The following DOCK1 variants were observed in gnomAD, a reference collection of about 807,000 sequenced individuals.
DOCK1 encodes the protein dedicator of cytokinesis protein 1.
A neutral mutation model predicts 262.7 loss-of-function variants in DOCK1; 138 were observed. The observed-to-expected ratio is 0.53, with a 90% CI of 0.46 to 0.61. The LOEUF is 0.61. Among genes scored for constraint, DOCK1 ranks in the 20% least tolerant of loss-of-function variants. DOCK1 has a pLI of 0.00. For missense variants in DOCK1, 1,908 were observed against 2,370.7 expected, an observed-to-expected ratio of 0.80 and a Z score of 4.05; for synonymous variants, 866 against 867.4, an observed-to-expected ratio of 1.00 and a Z score of 0.03.
intron 27 of DOCK1, 124 bp downstream of exon 27, chr10:127,127,888 A>G: frequency 3.0e-6 from 2 of 675,608 alleles, no homozygotes; most frequent in Non-Finnish European, 2.2e-6. Context: ...AGCTTGGTAT[A>G]TAAAATGTCC....
In DOCK1 at chr10:127,323,160, C is replaced by G. The variant is rs140911486; in HGVS notation, c.3045-15846C>G. Among the ~76,000 whole-genome samples, 41 of 152,294 alleles carry G rather than the reference C, an allele frequency of 2.7e-4. 1 individual carries two copies. The East Asian group carries it at 7.5e-3, about 28-fold the overall frequency. On this transcript the variant is annotated intron_variant, in intron 29 of 51. Transcript: ENST00000623213. ...CCGAGCTGGTGTTCATCGCTTCCCT[C>G]TCTGCTGGGTGAGGACCTCGTGGGT...
At chr10:127,339,733 G>GTGTGTGTGTGTGTGTGTGTGTGTGCA (rs71032552) in intron 30 of DOCK1, among the ~76,000 whole-genome samples, 26 of 109,324 alleles carry the variant, frequency 2.4e-4, no homozygotes, top group East Asian at 1.0e-3. Flanking sequence ...GTGTGTGTGT[G>GTGTGTGTGTGTGTGTGTGTGTGTGCA]TGCATGCTGT....
intron 21 of DOCK1, among the ~76,000 whole-genome samples, chr10:127,046,788 A>C (rs1020200899): frequency 2.4e-4 from 35 of 145,366 alleles, no homozygotes; most frequent in Non-Finnish European, 4.4e-4. Context: ...AAAGATTTTC[A>C]TTGTGATGTA....
chr10:127,201,179 C>A (rs942985342), intron 27 of DOCK1, among the ~76,000 whole-genome samples: 10 of 152,232 alleles, frequency 6.6e-5, no homozygotes, highest in African/African-American at 2.4e-4. Flanking sequence ...TCCTTTTCTG[C>A]CGAGAAGCCC....
At chr10:127,389,768 C>T (rs956722747) in intron 38 of DOCK1, among the ~76,000 whole-genome samples, 1 of 152,110 alleles carries the variant, frequency 6.6e-6, no homozygotes, top group Non-Finnish European at 1.5e-5. Flanking sequence ...GTAATCCCAG[C>T]ACTTCGGGCT....
At chr10:127,091,469 G>C (rs1591987389) in intron 23 of DOCK1, among the ~76,000 whole-genome samples, 1 of 152,150 alleles carries the variant, frequency 6.6e-6, no homozygotes, top group Non-Finnish European at 1.5e-5. Flanking sequence ...TTTGAATTGT[G>C]CCTTTAGCTG....
intron 24 of DOCK1, among the ~76,000 whole-genome samples, chr10:127,106,737 G>A (rs1379634060): frequency 1.3e-5 from 2 of 152,030 alleles, no homozygotes; most frequent in Non-Finnish European, 2.9e-5. Context: ...AGAAGACTCA[G>A]AAGTTACTAA....
chr10:127,073,102 T>C (rs868785990), intron 23 of DOCK1, among the ~76,000 whole-genome samples: 7 of 152,236 alleles, frequency 4.6e-5, no homozygotes, highest in African/African-American at 1.4e-4. Flanking sequence ...TTTTATGTTT[T>C]AAGTTTTAAG....
chr10:126,950,887 C>T (rs1375115214), intron 1 of DOCK1, among the ~76,000 whole-genome samples: 1 of 151,854 alleles, frequency 6.6e-6, no homozygotes, highest in Admixed American at 6.6e-5. Flanking sequence ...AGCGGTGGTG[C>T]TGGTGATGTT....
intron 34 of DOCK1, 55 bp downstream of exon 34, chr10:127,373,921 C>A: frequency 6.4e-7 from 1 of 1,558,856 alleles, no homozygotes; most frequent in Non-Finnish European, 8.7e-7. Flanking sequence ...GACAGAGAGA[C>A]CGTAATTAGA....
chr10:127,322,187 C>CT lies in DOCK1; in HGVS notation c.3045-16803dup, dbSNP rs201505491. On this transcript the variant is annotated intron_variant, in intron 29 of 51. Transcript: ENST00000623213. ...GCACACACATAATTTTATAATTTCC[C>CT]TTTTTTTTTTTTTTTTCCTGGAGAC... Among the ~76,000 whole-genome samples, 432 of 146,094 alleles carry CT rather than the reference C, an allele frequency of 3.0e-3. 3 individuals carry two copies. Among genetic ancestry groups the CT allele is most frequent in the African/African-American group, 8.4e-3 (338 of 40,240 alleles).
intron 10 of DOCK1, among the ~76,000 whole-genome samples, chr10:127,002,298 A>G (rs1388108937): frequency 6.6e-6 from 1 of 152,242 alleles, no homozygotes; most frequent in South Asian, 2.1e-4. Context: ...TTATTAGATT[A>G]CAAGATGGAT....
intron 27 of DOCK1, among the ~76,000 whole-genome samples, chr10:127,221,280 G>A (rs2058426981): frequency 6.6e-6 from 1 of 152,156 alleles, no homozygotes; most frequent in South Asian, 2.1e-4. Context: ...TTCTTTAAAG[G>A]AACTGAAACT....
intron 27 of DOCK1, among the ~76,000 whole-genome samples, chr10:127,223,972 C>T (rs2058539019): frequency 6.6e-6 from 1 of 152,078 alleles, no homozygotes; most frequent in African/African-American, 2.4e-5. Context: ...TTAATTAAGC[C>T]CTTTCTGCCA....
chr10:127,160,646 G>A (rs1025538751), intron 27 of DOCK1, among the ~76,000 whole-genome samples: 1 of 152,194 alleles, frequency 6.6e-6, no homozygotes, highest in Non-Finnish European at 1.5e-5. Context: ...ATTACATAGG[G>A]TATGGCAATT....
At chr10:127,028,960 T>C (rs1039301312) in intron 16 of DOCK1, among the ~76,000 whole-genome samples, 1 of 152,188 alleles carries the variant, frequency 6.6e-6, no homozygotes, top group Non-Finnish European at 1.5e-5. Flanking sequence ...GGTTCTGGAA[T>C]CCACAGAGGA....
intron 1 of DOCK1, among the ~76,000 whole-genome samples, chr10:126,960,745 T>TATATATATACAC (rs1429186588): frequency 6.1e-5 from 7 of 115,532 alleles, no homozygotes; most frequent in African/African-American, 2.8e-4. Context: ...TATATATATA[T>TATATATATACAC]ACACACACAC....
At chr10:127,302,054 C>G (rs2061699749) in intron 29 of DOCK1, among the ~76,000 whole-genome samples, 1 of 152,038 alleles carries the variant, frequency 6.6e-6, no homozygotes, top group Non-Finnish European at 1.5e-5. Flanking sequence ...TTGCATGGCC[C>G]TCTGTGGCCA....
At chr10:127,312,811 C>CTCCCTCCT (rs999789185) in intron 29 of DOCK1, among the ~76,000 whole-genome samples, 6 of 150,688 alleles carry the variant, frequency 4.0e-5, no homozygotes, top group African/African-American at 1.5e-4. Flanking sequence ...CCATCACTCC[C>CTCCCTCCT]TCCCTCCTTC....
Sources: gnomAD v4.1 joint callset for allele counts (sites outside exome capture counted in the v4.1 genomes callset) on GRCh38, gnomAD v4.1.1 for gene constraint, MANE v1.5 for transcripts, NCBI Gene and HGNC (gene_info 2026-07-23, HGNC 2026-07-21) for gene names.